The following TRIM47 variants were observed in gnomAD, a reference collection of about 807,000 sequenced individuals.
The protein encoded by TRIM47 is E3 ubiquitin-protein ligase TRIM47.
Under a neutral mutation model 54.4 loss-of-function variants are expected in TRIM47, and 46 were observed. That is an observed-to-expected ratio of 0.84 (90% CI 0.67 to 1.08). TRIM47 has a LOEUF of 1.08. Among genes scored for constraint, TRIM47 ranks in the 50% least tolerant of loss-of-function variants. The pLI is 0.00. For synonymous variants in TRIM47, 392 were observed against 410.2 expected (o/e 0.96, Z 0.54); for missense variants, 825 against 910.1 (o/e 0.91, Z 1.20).
At position 75,875,298 on chromosome 17, in the gene TRIM47, G is replaced by A; in HGVS notation, c.1276+102C>T. On this transcript the variant is annotated intron_variant, in intron 5 of 5. Transcript: ENST00000254816. The surrounding 1 kb of genome is among the most constrained non-coding windows in gnomAD (Gnocchi z 6.1). Reference sequence around the variant, plus strand: ...TGCCCTAGCTCTCCCCACAAACTGGGGAGAGGAATCCTAACCCTTGTGTGC... The same window carrying A: ...TGCCCTAGCTCTCCCCACAAACTGGAGAGAGGAATCCTAACCCTTGTGTGC... 6.8e-7 allele frequency: 1 copy of A among 1,464,074 alleles called. No homozygotes were observed. The highest frequency in any genetic ancestry group is 9.5e-7 in the Non-Finnish European group (1 of 1,052,938). The allele number at this position is 1,464,074 out of a possible 1,614,324, so 90.7% of individuals were successfully genotyped here.
chr17:75,875,295 T>G lies in TRIM47; in HGVS notation c.1276+105A>C. On this transcript the variant is annotated intron_variant, in intron 5 of 5. Transcript: ENST00000254816. The surrounding 1 kb of genome is among the most constrained non-coding windows in gnomAD (Gnocchi z 6.1). ...AGCTGCCCTAGCTCTCCCCACAAACTGGGGAGAGGAATCCTAACCCTTGTG... is the reference window on the plus strand; with the variant it reads ...AGCTGCCCTAGCTCTCCCCACAAACGGGGGAGAGGAATCCTAACCCTTGTG... 1 of 1,413,824 alleles carries G rather than the reference T, an allele frequency of 7.1e-7. No homozygotes were observed. Among genetic ancestry groups the G allele is most frequent in the South Asian group, 1.2e-5 (1 of 85,994 alleles). The allele number at this position is 1,413,824 out of a possible 1,614,324, so 87.6% of individuals were successfully genotyped here.
Position 75,874,627 on chromosome 17 carries a change from G to T in TRIM47, c.1773C>A (p.Asp591Glu), listed in dbSNP as rs761931180. ...RRGGIPASPI[D>E]PFQSRLDSHF... is the part of the protein sequence containing the mutation. ...GACTGTCCAGGCGGCTCTGGAAGGG[G>T]TCAATGGGGGAGGCCGGGATGCCAC... is the stretch of plus-strand genomic sequence containing the variant. The change falls in exon 6 of 6, where the codon GAC (aspartate) becomes GAA (glutamate). Residue 591 changes from aspartate (D) to glutamate (E), a missense_variant. By Grantham distance (45) the Asp-to-Glu change is conservative. Transcript: ENST00000254816. The surrounding 1 kb of genome is among the most constrained non-coding windows in gnomAD (Gnocchi z 6.2). The T allele has an allele frequency of 1.5e-5, 24 of 1,584,164 alleles. No homozygotes were observed. The highest frequency in any genetic ancestry group is 2.1e-5 in the Non-Finnish European group (24 of 1,164,372).
Position 75,878,478 on chromosome 17 carries a change from C to A in TRIM47, c.71G>T (p.Cys24Phe). Residue 24 changes from cysteine (C) to phenylalanine (F), a missense_variant, in exon 1 of 6, where the codon TGC becomes TTC. By Grantham distance (205) the Cys-to-Phe change is radical. Transcript: ENST00000254816. ...EPLREPVTLP[C>F]GHNFCLACLG... Reference sequence around the variant, plus strand: ...GCAGGCGAGACAGAAGTTGTGGCCGCAGGGCAGCGTCACCGGCTCCCGGAG... The same window carrying A: ...GCAGGCGAGACAGAAGTTGTGGCCGAAGGGCAGCGTCACCGGCTCCCGGAG... The A allele has an allele frequency of 2.1e-6, 3 of 1,403,946 alleles. No individual in the cohort carries two copies. The highest frequency in any genetic ancestry group is 1.5e-5 in the South Asian group (1 of 66,276). The allele number at this position is 1,403,946 out of a possible 1,614,324, so 87.0% of individuals were successfully genotyped here. A position where few individuals can be genotyped will look rare whatever the true frequency, so the allele number is the denominator to read the frequency against.
At position 75,874,903 on chromosome 17, in the gene TRIM47, G is replaced by A. The variant is rs149303059; in HGVS notation, c.1497C>T (p.Ala499=). 85 of 1,614,074 alleles carry A rather than the reference G, an allele frequency of 5.3e-5. No individual in the cohort carries two copies. The highest frequency in any genetic ancestry group is 6.8e-5 in the Non-Finnish European group (80 of 1,179,988). Residue 499 remains alanine (A), a synonymous_variant, in exon 6 of 6, where the codon GCC becomes GCT. Transcript: ENST00000254816. The surrounding 1 kb of genome is among the most constrained non-coding windows in gnomAD (Gnocchi z 6.2). ...AGGGCTCTTGTGGGGAGAAGTCTTCGGCCATGACCCCCATGCTGACCCAGC... is the reference window on the plus strand; with the variant it reads ...AGGGCTCTTGTGGGGAGAAGTCTTCAGCCATGACCCCCATGCTGACCCAGC... ...IEGWVSMGVM[A]EDFSPQEPYD...
In TRIM47 at chr17:75,875,047, C is replaced by T. The variant is rs2065124924; in HGVS notation, c.1353G>A (p.Arg451=). The change falls in exon 6 of 6, where the codon AGG becomes AGA. Residue 451 remains arginine (R), a synonymous_variant. Transcript: ENST00000254816. The surrounding 1 kb of genome is among the most constrained non-coding windows in gnomAD (Gnocchi z 6.1). ...AGGGGTAGTTGATAGGACACAGCACCCTCTTGACACCTTTGGTTCCAAACA... is the reference window on the plus strand; with the variant it reads ...AGGGGTAGTTGATAGGACACAGCACTCTCTTGACACCTTTGGTTCCAAACA... ...LQLFGTKGVK[R]VLCPINYPLS... 7 of 1,613,088 alleles carry T rather than the reference C, an allele frequency of 4.3e-6. No homozygotes were observed. Among genetic ancestry groups the T allele is most frequent in the African/African-American group, 2.7e-5 (2 of 75,008 alleles).
At chr17:75,877,522 A>T in intron 1 of TRIM47, 1 of 403,706 alleles carries the variant, frequency 2.5e-6, no homozygotes, top group Non-Finnish European at 3.8e-6. Flanking sequence ...GGCAAATCTG[A>T]GCTGAGACCG....
In TRIM47 at chr17:75,874,571, T is replaced by C; in HGVS notation, c.1829A>G (p.Lys610Arg). Reference sequence around the variant, plus strand: ...CACACTCTCCAGGAAGAAGGCAGGCTTGAGTCTGTGGGTGAAGAGCCCCGC... The same window carrying C: ...CACACTCTCCAGGAAGAAGGCAGGCCTGAGTCTGTGGGTGAAGAGCCCCGC... ...HFAGLFTHRL[K>R]PAFFLESVDA... Residue 610 changes from lysine (K) to arginine (R), a missense_variant, in exon 6 of 6, where the codon AAG becomes AGG. Lys to Arg is a conservative substitution (Grantham distance 26). Transcript: ENST00000254816. This position sits in a 1 kb window ranked among gnomAD's most constrained non-coding sequence, Gnocchi z 6.2. The C allele has an allele frequency of 2.0e-6, 3 of 1,534,294 alleles. No homozygotes were observed. Among genetic ancestry groups the C allele is most frequent in the South Asian group, 1.3e-5 (1 of 78,402 alleles).
In TRIM47 at chr17:75,874,798, A is replaced by G; in HGVS notation, c.1602T>C (p.His534=). The G allele has an allele frequency of 6.2e-7, 1 of 1,614,036 alleles. No homozygotes were observed. Among genetic ancestry groups the G allele is most frequent in the Non-Finnish European group, 8.5e-7 (1 of 1,180,016 alleles). Residue 534 remains histidine (H), a synonymous_variant, in exon 6 of 6, where the codon CAT becomes CAC. Coordinates refer to ENST00000254816, the MANE Select transcript of TRIM47 (RefSeq NM_033452.3). The surrounding 1 kb of genome is among the most constrained non-coding windows in gnomAD (Gnocchi z 6.2). Reference sequence around the variant, plus strand: ...GGTGGGGCAGGGGAGCCTCCAGCCCATGAAACCAGACGGAGAAGCTGCGTC... The same window carrying G: ...GGTGGGGCAGGGGAGCCTCCAGCCCGTGAAACCAGACGGAGAAGCTGCGTC... ...WNGRSFSVWF[H]GLEAPLPHPF... is the part of the protein sequence containing the mutation.
At position 75,875,730 on chromosome 17, in the gene TRIM47, G is replaced by A. The variant is rs951405406; in HGVS notation, c.1201+171C>T. On this transcript the variant is annotated intron_variant, in intron 4 of 5. Transcript: ENST00000254816. The surrounding 1 kb of genome is among the most constrained non-coding windows in gnomAD (Gnocchi z 6.1). ...AAGCCCCCTCTACCCCAGGTCCAAG[G>A]GGCTGATTGATCCCCACAGGGTGGC... 2 of 819,352 alleles carry A rather than the reference G, an allele frequency of 2.4e-6. No individual in the cohort carries two copies. The highest frequency in any genetic ancestry group is 3.4e-5 in the African/African-American group (2 of 58,310). 50.8% of individuals were successfully genotyped at this position (819,352 alleles called of 1,614,324 possible). A position where few individuals can be genotyped will look rare whatever the true frequency, so the allele number is the denominator to read the frequency against.
Position 75,874,771 on chromosome 17 carries a change from G to T in TRIM47, c.1629C>A (p.Pro543=). 1 of 1,614,044 alleles carries T rather than the reference G, an allele frequency of 6.2e-7. No individual in the cohort carries two copies. The highest frequency in any genetic ancestry group is 8.5e-7 in the Non-Finnish European group (1 of 1,180,022). The change falls in exon 6 of 6, where the codon CCC becomes CCA. Residue 543 remains proline, a synonymous_variant. Coordinates refer to ENST00000254816, the MANE Select transcript of TRIM47 (RefSeq NM_033452.3). This position sits in a 1 kb window ranked among gnomAD's most constrained non-coding sequence, Gnocchi z 6.2. Reference sequence around the variant, plus strand: ...GGCAGACCCCAACCGTGGGCGAGAAGGGGTGGGGCAGGGGAGCCTCCAGCC... The same window carrying T: ...GGCAGACCCCAACCGTGGGCGAGAATGGGTGGGGCAGGGGAGCCTCCAGCC... ...FHGLEAPLPH[P]FSPTVGVCLE...
In TRIM47 at chr17:75,877,880, A is replaced by T; in HGVS notation, c.669T>A (p.Leu223=). The change falls in exon 1 of 6, where the codon CTT becomes CTA. Residue 223 remains leucine (L), a synonymous_variant. Coordinates refer to ENST00000254816, the MANE Select transcript of TRIM47 (RefSeq NM_033452.3). Reference sequence around the variant, plus strand: ...GTGTGCCCCCGGAGCCCACCTCCTGAAGCGCGCGCTCCTGCTCCAGCGGCA... The same window carrying T: ...GTGTGCCCCCGGAGCCCACCTCCTGTAGCGCGCGCTCCTGCTCCAGCGGCA... ...ELVPLEQERA[L]QEAEQSKVLS... The T allele has an allele frequency of 7.3e-7, 1 of 1,361,436 alleles. No homozygotes were observed. The highest frequency in any genetic ancestry group is 9.4e-7 in the Non-Finnish European group (1 of 1,058,948). The allele number at this position is 1,361,436 out of a possible 1,614,324, so 84.3% of individuals were successfully genotyped here.
chr17:75,876,322 C>T lies in TRIM47; in HGVS notation c.942G>A (p.Leu314=), dbSNP rs1173090324. 1 of 1,611,212 alleles carries T rather than the reference C, an allele frequency of 6.2e-7. No homozygotes were observed. The highest frequency in any genetic ancestry group is 8.5e-7 in the Non-Finnish European group (1 of 1,179,940). Residue 314 remains leucine, a synonymous_variant, in exon 3 of 6, where the codon CTG becomes CTA. Transcript: ENST00000254816. ...GGCTGAGATTCTGGCGGGCTCGGCTCAGGCGGCTGCGCTGTTCCTCCTGTC... is the reference window on the plus strand; with the variant it reads ...GGCTGAGATTCTGGCGGGCTCGGCTTAGGCGGCTGCGCTGTTCCTCCTGTC... ...LRRQEEQRSR[L]SRARQNLSQV... is the part of the protein sequence containing the mutation.
chr17:75,878,458 C>T lies in TRIM47; in HGVS notation c.91G>A (p.Ala31Thr). ...TGCGGCCAGAGCGCGCCCAGGCAGG[C>T]GAGACAGAAGTTGTGGCCGCAGGGC... is the stretch of plus-strand genomic sequence containing the variant. ...TLPCGHNFCL[A>T]CLGALWPHRG... is the part of the protein sequence containing the mutation. The change falls in exon 1 of 6, where the codon GCC becomes ACC. Residue 31 changes from alanine (A) to threonine (T), a missense_variant. Coordinates refer to ENST00000254816, the MANE Select transcript of TRIM47 (RefSeq NM_033452.3). The T allele has an allele frequency of 1.4e-6, 2 of 1,430,902 alleles. No individual in the cohort carries two copies. The highest frequency in any genetic ancestry group is 1.8e-6 in the Non-Finnish European group (2 of 1,082,102). 88.6% of individuals were successfully genotyped at this position (1,430,902 alleles called of 1,614,324 possible). A position where few individuals can be genotyped will look rare whatever the true frequency, so the allele number is the denominator to read the frequency against.
rs772775805 is a variant in TRIM47 at position 75,874,865 on chromosome 17, C to T, written c.1535G>A (p.Arg512Gln). The change falls in exon 6 of 6, where the codon CGG becomes CAG. Residue 512 changes from arginine (R) to glutamine (Q), a missense_variant. Coordinates refer to ENST00000254816, the MANE Select transcript of TRIM47 (RefSeq NM_033452.3). This position sits in a 1 kb window ranked among gnomAD's most constrained non-coding sequence, Gnocchi z 6.2. ...GCAGGAGTGGGCGTTGCGGCCCAGC[C>T]GGCCGCGGTCGTAGGGCTCTTGTGG... ...FSPQEPYDRG[R>Q]LGRNAHSCCL... The T allele has an allele frequency of 5.6e-6, 9 of 1,614,150 alleles. No individual in the cohort carries two copies. The highest frequency in any genetic ancestry group is 1.6e-4 in the Middle Eastern group (1 of 6,062).
In TRIM47 at chr17:75,875,788, C is replaced by A; in HGVS notation, c.1201+113G>T. On this transcript the variant is annotated intron_variant, in intron 4 of 5. Transcript: ENST00000254816. This position sits in a 1 kb window ranked among gnomAD's most constrained non-coding sequence, Gnocchi z 6.1. ...GTCACTGGCAGGATTTGGGCTCCTC[C>A]CTGTGCCAGGCACAATTTTCCTCCT... The A allele has an allele frequency of 7.7e-7, 1 of 1,299,208 alleles. No homozygotes were observed. 80.5% of individuals were successfully genotyped at this position (1,299,208 alleles called of 1,614,324 possible). A position where few individuals can be genotyped will look rare whatever the true frequency, so the allele number is the denominator to read the frequency against.
In TRIM47 at chr17:75,875,670, C is replaced by A. The variant is rs78633012; in HGVS notation, c.1202-196G>T. 5,933 of 714,320 alleles carry A rather than the reference C, an allele frequency of 8.3e-3. 202 individuals are homozygous for A. Among genetic ancestry groups the A allele is most frequent in the African/African-American group, 0.079 (4,469 of 56,916 alleles). 44.2% of individuals were successfully genotyped at this position (714,320 alleles called of 1,614,324 possible). Reference sequence around the variant, plus strand: ...CCTCTTGCCCCATGTGCTTCCCGGGCCACAGCCCTCTGGAGCTAGAGGGTG... The same window carrying A: ...CCTCTTGCCCCATGTGCTTCCCGGGACACAGCCCTCTGGAGCTAGAGGGTG... On this transcript the variant is annotated intron_variant, in intron 4 of 5. Transcript: ENST00000254816. The surrounding 1 kb of genome is among the most constrained non-coding windows in gnomAD (Gnocchi z 6.1).
Position 75,875,187 on chromosome 17 carries a change from C to T in TRIM47, c.1277-64G>A. On this transcript the variant is annotated intron_variant, in intron 5 of 5. Coordinates refer to ENST00000254816, the MANE Select transcript of TRIM47 (RefSeq NM_033452.3). This position sits in a 1 kb window ranked among gnomAD's most constrained non-coding sequence, Gnocchi z 6.1. ...CCAGGCTCAGAGGGCACGGCCCCTCCCCAAGTACCCACCCCCCCAAAACAC... is the reference window on the plus strand; with the variant it reads ...CCAGGCTCAGAGGGCACGGCCCCTCTCCAAGTACCCACCCCCCCAAAACAC... 1.3e-6 allele frequency: 2 copies of T among 1,520,340 alleles called. No homozygotes were observed. Among genetic ancestry groups the T allele is most frequent in the South Asian group, 1.3e-5 (1 of 77,904 alleles). The allele number at this position is 1,520,340 out of a possible 1,614,324, so 94.2% of individuals were successfully genotyped here.
chr17:75,876,403 G>T lies in TRIM47; in HGVS notation c.861C>A (p.Gly287=). Reference sequence around the variant, plus strand: ...TGGCAGCTTCCCCCTCCTCGATGAAGCCCAGCACCTGGGTCTGGAAGCCCT... The same window carrying T: ...TGGCAGCTTCCCCCTCCTCGATGAATCCCAGCACCTGGGTCTGGAAGCCCT... ...ALQGFQTQVL[G]FIEEGEAAML... The change falls in exon 3 of 6, where the codon GGC becomes GGA. Residue 287 remains glycine (G), a synonymous_variant. Coordinates refer to ENST00000254816, the MANE Select transcript of TRIM47 (RefSeq NM_033452.3). 1 of 1,612,248 alleles carries T rather than the reference G, an allele frequency of 6.2e-7. No homozygotes were observed.
intron 2 of TRIM47, 110 bp from the exon 3 acceptor site, chr17:75,876,602 G>C: frequency 6.6e-7 from 1 of 1,511,986 alleles, no homozygotes; most frequent in Non-Finnish European, 9.0e-7. Flanking sequence ...GGGGACAGAG[G>C]GGCCAGACTG....
Sources: allele counts gnomAD v4.1 joint callset, GRCh38; gene constraint gnomAD v4.1.1; non-coding constraint Gnocchi (gnomAD v3.1); transcripts MANE v1.5; gene names NCBI Gene and HGNC (gene_info 2026-07-23, HGNC 2026-07-21).